The following SEMA6C variants were observed in gnomAD, a reference collection of about 807,000 sequenced individuals.
The protein encoded by SEMA6C is semaphorin 6C.
Under a neutral mutation model 72.9 loss-of-function variants are expected in SEMA6C, and 37 were observed. The ratio of observed to expected loss-of-function variants is 0.51; its 90% confidence interval spans 0.39 to 0.67. SEMA6C has a LOEUF of 0.67. Among genes scored for constraint, SEMA6C ranks in the 30% least tolerant of loss-of-function variants. The pLI is 0.00. For synonymous variants in SEMA6C, 578 were observed against 554.1 expected (o/e 1.04, Z -0.61); for missense variants, 1,189 against 1,263.6 (o/e 0.94, Z 0.89).
chr1:151,138,299 C>G lies in SEMA6C; in HGVS notation c.547+17G>C, dbSNP rs1289447936. On this transcript the variant is annotated intron_variant, in intron 8 of 18. Transcript: ENST00000368914. ...CCTCCAGCCACATGCTTTCTTCTCACATGCCCAGTTGCACACCTGCAAAGA... is the reference window on the plus strand; with the variant it reads ...CCTCCAGCCACATGCTTTCTTCTCAGATGCCCAGTTGCACACCTGCAAAGA... 6.2e-7 allele frequency: 1 copy of G among 1,612,736 alleles called. No individual in the cohort carries two copies. Among genetic ancestry groups the G allele is most frequent in the South Asian group, 1.1e-5 (1 of 90,838 alleles).
rs755680420 is a variant in SEMA6C, at chr1:151,132,337, G to A, written c.*147C>T. Reference sequence around the variant, plus strand: ...GGAAAGACAGTCAATAAATAAACCCGAGGCGAAAAGGGGCCTCGGGAGACT... The same window carrying A: ...GGAAAGACAGTCAATAAATAAACCCAAGGCGAAAAGGGGCCTCGGGAGACT... On this transcript the variant is annotated 3_prime_UTR_variant, in exon 19 of 19. Coordinates refer to ENST00000368914, the MANE Select transcript of SEMA6C (RefSeq NM_030913.6). 2 of 1,542,042 alleles carry A rather than the reference G, an allele frequency of 1.3e-6. No homozygotes were observed. The highest frequency in any genetic ancestry group is 1.2e-5 in the South Asian group (1 of 82,890).
rs587645395 is a variant in SEMA6C at position 151,142,796 on chromosome 1, C to T, written c.-54-121G>A. The stretch of plus-strand genomic sequence containing the variant: ...CCCTGTGGGGTGGGGGAAAAGAACC[C>T]TCTCTCCAGCACTGCCCCAGTTCCA... On this transcript the variant is annotated intron_variant, in intron 2 of 18. Coordinates refer to ENST00000368914, the MANE Select transcript of SEMA6C (RefSeq NM_030913.6). The T allele has an allele frequency of 1.8e-5, 10 of 569,498 alleles. No homozygotes were observed. In the South Asian group the frequency reaches 2.3e-4, roughly 13 times the overall value. The allele number at this position is 569,498 out of a possible 1,614,324, so 35.3% of individuals were successfully genotyped here. A position where few individuals can be genotyped will look rare whatever the true frequency, so the allele number is the denominator to read the frequency against.
Position 151,134,542 on chromosome 1 carries a change from C to T in SEMA6C, c.1714+78G>A, listed in dbSNP as rs981258995. On this transcript the variant is annotated intron_variant, in intron 17 of 18. Transcript: ENST00000368914. ...CACAGAAGGAGAGAAGGACAAAAGG[C>T]CAAGCCTGGGATGGTGTCTGTGGCC... 19 of 1,608,048 alleles carry T rather than the reference C, an allele frequency of 1.2e-5. No individual in the cohort carries two copies. The Admixed American group carries it at 3.2e-4, about 27-fold the overall frequency.
intron 16 of SEMA6C, 44 bp from the exon 17 acceptor site, chr1:151,134,719 G>C (rs748341382): frequency 6.2e-7 from 1 of 1,612,422 alleles, no homozygotes; most frequent in Admixed American, 1.7e-5. Context: ...TACGTTGTCC[G>C]TATCTCCCAC....
At chr1:151,137,886 A>G in intron 9 of SEMA6C, 87 bp from the exon 10 acceptor site, 1 of 1,581,310 alleles carries the variant, frequency 6.3e-7, no homozygotes, top group Non-Finnish European at 8.6e-7. Flanking sequence ...TCCCCATTGC[A>G]TACATACACA....
Position 151,132,124 on chromosome 1 carries a change from G to A in SEMA6C, c.*360C>T, listed in dbSNP as rs1039853802. 38 of 1,122,936 alleles carry A rather than the reference G, an allele frequency of 3.4e-5. No individual in the cohort carries two copies. The highest frequency in any genetic ancestry group is 4.2e-5 in the Non-Finnish European group (36 of 857,246). 69.6% of individuals were successfully genotyped at this position (1,122,936 alleles called of 1,614,324 possible). ...GGAGAGGCACGTCCCAGACCCAGAA[G>A]GCCCGAGGACTCTGGACACAGCGCG... On this transcript the variant is annotated 3_prime_UTR_variant, in exon 19 of 19. Transcript: ENST00000368914.
At chr1:151,138,139 G>T in intron 8 of SEMA6C, 34 bp from the exon 9 acceptor site, 1 of 1,610,152 alleles carries the variant, frequency 6.2e-7, no homozygotes, top group South Asian at 1.1e-5. Flanking sequence ...TCAGGGGAGG[G>T]CTCAGGGATC....
chr1:151,143,491 AC>A (rs745685462), intron 2 of SEMA6C, among the ~76,000 whole-genome samples: 3 of 152,016 alleles, frequency 2.0e-5, no homozygotes, highest in Non-Finnish European at 2.9e-5. Flanking sequence ...GAGCAGACCC[AC>A]CCCCTATGAG....
Position 151,136,963 on chromosome 1 carries a change from G to C in SEMA6C, c.868C>G (p.Pro290Ala). Reference sequence around the variant, plus strand: ...TCAAAATAGAAAGTAGAGTCCCCAGGGACAGAGCAGTTGAGCCGAAGCTTC... The same window carrying C: ...TCAAAATAGAAAGTAGAGTCCCCAGCGACAGAGCAGTTGAGCCGAAGCTTC... ...FLKLRLNCSV[P>A]GDSTFYFDVL... is the part of the protein sequence containing the mutation. Residue 290 changes from proline to alanine, a missense_variant, in exon 11 of 19, where the codon CCT (proline) becomes GCT (alanine). Pro to Ala is a conservative substitution (Grantham distance 27). This residue lies in a region of SEMA6C where 468 missense variants were observed against 577.4 expected (regional missense o/e 0.81). Transcript: ENST00000368914. 2 of 1,614,170 alleles carry C rather than the reference G, an allele frequency of 1.2e-6. No individual in the cohort carries two copies. The highest frequency in any genetic ancestry group is 1.7e-6 in the Non-Finnish European group (2 of 1,180,030).
chr1:151,139,092 CAAAAAAAAA>C (rs887064091), intron 6 of SEMA6C, among the ~76,000 whole-genome samples: 2 of 53,108 alleles, frequency 3.8e-5, no homozygotes, highest in African/African-American at 1.4e-4. Flanking sequence ...GACTCCGTCT[CAAAAAAAAA>C]AAAAAAAAAA....
At position 151,132,436 on chromosome 1, in the gene SEMA6C, C is replaced by T. The variant is rs1313315975; in HGVS notation, c.*48G>A. ...TCCTGAAGAGCGTCCAGCTCGTGGC[C>T]GAGAGGACTCGGGCGCTCCCCACGC... On this transcript the variant is annotated 3_prime_UTR_variant, in exon 19 of 19. Transcript: ENST00000368914. 5.9e-6 allele frequency: 9 copies of T among 1,529,054 alleles called. No homozygotes were observed. The highest frequency in any genetic ancestry group is 1.4e-5 in the African/African-American group (1 of 72,138). 94.7% of individuals were successfully genotyped at this position (1,529,054 alleles called of 1,614,324 possible).
Position 151,135,725 on chromosome 1 carries a change from A to G in SEMA6C, c.1299T>C (p.Gly433=). The G allele has an allele frequency of 6.2e-7, 1 of 1,613,294 alleles. No individual in the cohort carries two copies. The change falls in exon 14 of 19, where the codon GGT becomes GGC. Residue 433 remains glycine (G), a synonymous_variant. Transcript: ENST00000368914. ...ACATGACTGTGATGTTACTGTGGGG[A>G]CCAGCCATGCCATCCACAGCTACTT... is the stretch of plus-strand genomic sequence containing the variant. The part of the protein sequence containing the change: ...LTQVAVDGMA[G]PHSNITVMFL...
chr1:151,142,582 G>T lies in SEMA6C; in HGVS notation c.40C>A (p.Leu14Met). Reference protein sequence around the residue: ...APHFMPLLLLLLLLSLPHTQA... With the variant: ...APHFMPLLLLMLLLSLPHTQA... The stretch of plus-strand genomic sequence containing the variant: ...GTATGGGGAAGTGAGAGCAGCAGCA[G>T]CAGTAGCAGCAAGGGCATGAAGTGG... Residue 14 changes from leucine (L) to methionine (M), a missense_variant, in exon 3 of 19, where the codon CTG (leucine) becomes ATG (methionine). Around this residue, in one of 2 missense-constraint regions of SEMA6C, gnomAD observed 468 missense variants for 577.4 expected, o/e 0.81. Coordinates refer to ENST00000368914, the MANE Select transcript of SEMA6C (RefSeq NM_030913.6). The T allele has an allele frequency of 1.2e-6, 2 of 1,605,984 alleles. No individual in the cohort carries two copies.
In SEMA6C at chr1:151,133,261, G is replaced by A. The variant is rs1220596177; in HGVS notation, c.2016C>T (p.Asp672=). ...TGTAGAGCTGCGGCGTCTGCACCGC[G>A]TCCCCGTCCTTGGAGGGCGGCGGGG... ...PEPPPPSKDG[D]AVQTPQLYTT... is the part of the protein sequence containing the mutation. Residue 672 remains aspartate (D), a synonymous_variant, in exon 19 of 19, where the codon GAC becomes GAT. Coordinates refer to ENST00000368914, the MANE Select transcript of SEMA6C (RefSeq NM_030913.6). The surrounding 1 kb of genome is among the most constrained non-coding windows in gnomAD (Gnocchi z 5.9). The A allele has an allele frequency of 7.6e-6, 12 of 1,578,484 alleles. No homozygotes were observed. Among genetic ancestry groups the A allele is most frequent in the Non-Finnish European group, 1.0e-5 (12 of 1,167,240 alleles).
In SEMA6C at chr1:151,138,040, G is replaced by C. The variant is rs769851096; in HGVS notation, c.613C>G (p.Leu205Val). The C allele has an allele frequency of 1.2e-6, 2 of 1,614,122 alleles. No homozygotes were observed. The highest frequency in any genetic ancestry group is 1.1e-5 in the South Asian group (1 of 91,094). Residue 205 changes from leucine (L) to valine (V), a missense_variant, in exon 9 of 19, where the codon CTT becomes GTT. Physicochemically the swap from Leu to Val is conservative, Grantham distance 32. Transcript: ENST00000368914. Reference sequence around the variant, plus strand: ...GAGCGGAGTGGGGGCTGGGGCCCAAGGCTTCTGTAAACTACAGCATCACTG... The same window carrying C: ...GAGCGGAGTGGGGGCTGGGGCCCAACGCTTCTGTAAACTACAGCATCACTG... Reference protein sequence around the residue: ...QASDAVVYRSLGPQPPLRSAK... With the variant: ...QASDAVVYRSVGPQPPLRSAK...
At position 151,139,361 on chromosome 1, in the gene SEMA6C, T is replaced by C. The variant is rs12078857; in HGVS notation, c.354+64A>G. ...GAAATTGGGCATAGTAGAGGACCAG[T>C]TGGACAGAGACTGGGGGCAGAGTAA... On this transcript the variant is annotated intron_variant, in intron 6 of 18. Coordinates refer to ENST00000368914, the MANE Select transcript of SEMA6C (RefSeq NM_030913.6). 9.9e-3 allele frequency: 13,856 copies of C among 1,399,818 alleles called. 938 individuals carry two copies. In the African/African-American group the frequency reaches 0.16, roughly 16 times the overall value. 86.7% of individuals were successfully genotyped at this position (1,399,818 alleles called of 1,614,324 possible). A position where few individuals can be genotyped will look rare whatever the true frequency, so the allele number is the denominator to read the frequency against.
chr1:151,132,136 CTG>C lies in SEMA6C; in HGVS notation c.*346_*347del, dbSNP rs1681578954. ...CCCAGACCCAGAAGGCCCGAGGACTCTGGACACAGCGCGCGCGGCCCGCCCGG... is the reference window on the plus strand; with the variant it reads ...CCCAGACCCAGAAGGCCCGAGGACTCGACACAGCGCGCGCGGCCCGCCCGG... On this transcript the variant is annotated 3_prime_UTR_variant, in exon 19 of 19. Coordinates refer to ENST00000368914, the MANE Select transcript of SEMA6C (RefSeq NM_030913.6). The C allele has an allele frequency of 4.7e-6, 6 of 1,265,126 alleles. No individual in the cohort carries two copies. In the African/African-American group the frequency reaches 6.1e-5, roughly 13 times the overall value. 78.4% of individuals were successfully genotyped at this position (1,265,126 alleles called of 1,614,324 possible). A position where few individuals can be genotyped will look rare whatever the true frequency, so the allele number is the denominator to read the frequency against.
rs1353209841 is a variant in SEMA6C at position 151,145,652 on chromosome 1, G to A, written c.-105+781C>T. 1 of 159,336 alleles carries A rather than the reference G, an allele frequency of 6.3e-6. No individual in the cohort carries two copies. The highest frequency in any genetic ancestry group is 1.4e-5 in the Non-Finnish European group (1 of 72,860). The allele number at this position is 159,336 out of a possible 1,614,324, so 9.9% of individuals were successfully genotyped here. Reference sequence around the variant, plus strand: ...TCCCAGAGCCACGTTAGCGAGAGGAGGGGCTGGAGGGGCCTGCAGGCGCAG... The same window carrying A: ...TCCCAGAGCCACGTTAGCGAGAGGAAGGGCTGGAGGGGCCTGCAGGCGCAG... On this transcript the variant is annotated intron_variant, in intron 1 of 18. Transcript: ENST00000368914. The surrounding 1 kb of genome is among the most constrained non-coding windows in gnomAD (Gnocchi z 4.4).
Position 151,136,137 on chromosome 1 carries a change from C to T in SEMA6C, c.1133G>A (p.Gly378Glu), listed in dbSNP as rs201591301. 2 of 1,613,792 alleles carry T rather than the reference C, an allele frequency of 1.2e-6. No individual in the cohort carries two copies. The highest frequency in any genetic ancestry group is 1.7e-6 in the Non-Finnish European group (2 of 1,179,996). The change falls in exon 13 of 19, where the codon GGA (glycine) becomes GAA (glutamate). Residue 378 changes from glycine (G) to glutamate (E), a missense_variant. By Grantham distance (98) the Gly-to-Glu change is moderately conservative (BLOSUM62 -2). Coordinates refer to ENST00000368914, the MANE Select transcript of SEMA6C (RefSeq NM_030913.6). ...TCGGGAAGAGGAGAACAAGGCAGCT[C>T]CCCCTACTCCTGCACAGGATCCTGG... ...PRPGSCAGVG[G>E]AALFSSSRDL...
Sources: allele counts gnomAD v4.1 joint callset (sites outside exome capture counted in the v4.1 genomes callset), GRCh38; gene constraint gnomAD v4.1.1; regional missense constraint gnomAD v4.1.1; non-coding constraint Gnocchi (gnomAD v3.1); transcripts MANE v1.5; gene names NCBI Gene and HGNC (gene_info 2026-07-23, HGNC 2026-07-21).